Variants in VPS26C observed in about 807,000 individuals in gnomAD.
VPS26C encodes VPS26 endosomal protein sorting factor C, also known as vacuolar protein sorting-associated protein 26C.
VPS26C carries 19 observed loss-of-function variants against 30.6 expected under a neutral mutation model. The observed-to-expected ratio is 0.62, with a 90% CI of 0.43 to 0.91. VPS26C has a LOEUF of 0.91. Among genes scored for constraint, VPS26C ranks in the 40% least tolerant of loss-of-function variants. VPS26C has a pLI of 0.00. For synonymous variants in VPS26C, 132 were observed against 151.5 expected, an observed-to-expected ratio of 0.87 and a Z score of 0.95; for missense variants, 318 against 385.1, an observed-to-expected ratio of 0.83 and a Z score of 1.46.
intron 1 of VPS26C, among the ~76,000 whole-genome samples, chr21:37,241,398 T>C (rs1211381703): frequency 6.6e-6 from 1 of 152,210 alleles, no homozygotes; most frequent in African/African-American, 2.4e-5. Flanking sequence ...TGGAGAGCAG[T>C]TTCTTCCTGT....
Position 37,240,484 on chromosome 21 carries a change from A to G in VPS26C, c.201+12T>C. 1 of 1,613,430 alleles carries G rather than the reference A, an allele frequency of 6.2e-7. No homozygotes were observed. Among genetic ancestry groups the G allele is most frequent in the African/African-American group, 1.3e-5 (1 of 74,958 alleles). On this transcript the variant is annotated intron_variant, in intron 2 of 7. Transcript: ENST00000309117. ...TGAACTAAAAACTTGCAATCTAAGC[A>G]TTCTTTCTTACCTTAACAGAATTAT...
chr21:37,233,455 G>A lies in VPS26C; in HGVS notation c.352-13C>T. 6.2e-7 allele frequency: 1 copy of A among 1,607,910 alleles called. No individual in the cohort carries two copies. The highest frequency in any genetic ancestry group is 8.5e-7 in the Non-Finnish European group (1 of 1,174,980). On this transcript the variant is annotated splice_polypyrimidine_tract_variant and intron_variant, in intron 3 of 7. Transcript: ENST00000309117. This position sits in a 1 kb window ranked among gnomAD's most constrained non-coding sequence, Gnocchi z 5.2. ...AGCGCAGTGTATACTAAAGGGGAGA[G>A]TTGGAGGAAAAAAGTTCATTTTAGT...
At position 37,267,149 on chromosome 21, in the gene VPS26C, G is replaced by A. The variant is rs2086373955; in HGVS notation, c.57+89C>T. 4 of 1,202,524 alleles carry A rather than the reference G, an allele frequency of 3.3e-6. No homozygotes were observed. In the Admixed American group the frequency reaches 5.9e-5, roughly 18 times the overall value. 74.5% of individuals were successfully genotyped at this position (1,202,524 alleles called of 1,614,324 possible). A position where few individuals can be genotyped will look rare whatever the true frequency, so the allele number is the denominator to read the frequency against. On this transcript the variant is annotated intron_variant, in intron 1 of 7. Coordinates refer to ENST00000309117, the MANE Select transcript of VPS26C (RefSeq NM_006052.2). ...GCGGGACAGCCCTGCCCCGCCTAGG[G>A]ACGCGGGACGTGCGCAGAGCGATGG...
In VPS26C at chr21:37,233,956, C is replaced by A. The variant is rs2085993650; in HGVS notation, c.352-514G>T. Reference sequence around the variant, plus strand: ...AGCACAGGGCTGGCACAAAGCAATGCTGGAAAACAGCAGCTACTTTGTAAG... The same window carrying A: ...AGCACAGGGCTGGCACAAAGCAATGATGGAAAACAGCAGCTACTTTGTAAG... On this transcript the variant is annotated intron_variant, in intron 3 of 7. Transcript: ENST00000309117. This position sits in a 1 kb window ranked among gnomAD's most constrained non-coding sequence, Gnocchi z 5.2. Among the ~76,000 whole-genome samples, 1 of 152,246 alleles carries A rather than the reference C, an allele frequency of 6.6e-6. No individual in the cohort carries two copies. The highest frequency in any genetic ancestry group is 1.5e-5 in the Non-Finnish European group (1 of 68,042).
chr21:37,238,746 G>T, intron 2 of VPS26C, 137 bp from the exon 3 acceptor site: 1 of 942,094 alleles, frequency 1.1e-6, no homozygotes, highest in East Asian at 2.5e-5. Context: ...CTCTGCGCTG[G>T]GTCTGGAGAT....
intron 5 of VPS26C, chr21:37,228,625 C>T: frequency 2.5e-6 from 1 of 396,280 alleles, no homozygotes. Context: ...GAGAACCATC[C>T]TAATTGCCTA....
At chr21:37,242,122 T>C (rs1179485703) in intron 1 of VPS26C, among the ~76,000 whole-genome samples, 2 of 152,256 alleles carry the variant, frequency 1.3e-5, no homozygotes, top group African/African-American at 4.8e-5. Context: ...CCTTGAATTC[T>C]GCTTAAAATG....
At chr21:37,258,659 G>A (rs2148308078) in intron 1 of VPS26C, among the ~76,000 whole-genome samples, 1 of 152,348 alleles carries the variant, frequency 6.6e-6, no homozygotes, top group East Asian at 1.9e-4. Flanking sequence ...ACATAACGGA[G>A]GCGAGTCTGC....
Position 37,240,621 on chromosome 21 carries a change from C to A in VPS26C, c.76G>T (p.Val26Leu). Residue 26 changes from valine to leucine, a missense_variant, in exon 2 of 8, where the codon GTG becomes TTG. Physicochemically the swap from Val to Leu is conservative, Grantham distance 32 (BLOSUM62 1). Transcript: ENST00000309117. ...YHAGEVLSGV[V>L]VISSKDSVQH... ...ACTGAATCCTTACTCGATATGACCA[C>A]CACGCCAGAGAGCACTTCCTGGGAG... The A allele has an allele frequency of 2.5e-6, 4 of 1,614,024 alleles. No homozygotes were observed. Among genetic ancestry groups the A allele is most frequent in the Non-Finnish European group, 3.4e-6 (4 of 1,179,950 alleles).
intron 5 of VPS26C, chr21:37,231,453 A>G (rs1284393448): frequency 2.5e-4 from 38 of 152,158 alleles, no homozygotes; most frequent in Admixed American, 2.5e-3. Context: ...GAGAAGGGAG[A>G]CGTGCAGAAC....
intron 1 of VPS26C, chr21:37,266,932 C>T (rs962915365): frequency 4.8e-5 from 22 of 460,886 alleles, no homozygotes; most frequent in Non-Finnish European, 5.8e-5. Flanking sequence ...GAGAACCCAA[C>T]ACCGCCGGGT....
chr21:37,260,121 C>T (rs2086289225), intron 1 of VPS26C, among the ~76,000 whole-genome samples: 1 of 152,196 alleles, frequency 6.6e-6, no homozygotes, highest in Admixed American at 6.5e-5. Flanking sequence ...TATTTGCTAT[C>T]ATCAGTCCCC....
rs570637040 is a variant in VPS26C, at chr21:37,253,148, C to G, written c.58-12509G>C. Among the ~76,000 whole-genome samples the G allele has an allele frequency of 6.6e-5, 10 of 152,324 alleles. No individual in the cohort carries two copies. The South Asian group carries it at 2.1e-3, about 32-fold the overall frequency. The stretch of plus-strand genomic sequence containing the variant: ...AGTAAAATCTACAAAAGTTAGTTCA[C>G]TAGCAATGAAACTGTAACAAAATAA... On this transcript the variant is annotated intron_variant, in intron 1 of 7. Coordinates refer to ENST00000309117, the MANE Select transcript of VPS26C (RefSeq NM_006052.2).
In VPS26C at chr21:37,255,851, A is replaced by ATTTTTTTTTTTTTTTTTTTT. The variant is rs375877407; in HGVS notation, c.57+11367_57+11386dup. Among the ~76,000 whole-genome samples, 117 of 108,452 alleles carry ATTTTTTTTTTTTTTTTTTTT rather than the reference A, an allele frequency of 1.1e-3. 21 individuals are homozygous for ATTTTTTTTTTTTTTTTTTTT. The highest frequency in any genetic ancestry group is 5.0e-3 in the African/African-American group (110 of 21,880). 71.1% of individuals were successfully genotyped at this position (108,452 alleles called of 152,430 possible). A position where few individuals can be genotyped will look rare whatever the true frequency, so the allele number is the denominator to read the frequency against. ...TTTAAAGCCTCATTCTATGCACTGC[A>ATTTTTTTTTTTTTTTTTTTT]TTTTTTTTTTTTTTTTTTTTTAGAT... On this transcript the variant is annotated intron_variant, in intron 1 of 7. Transcript: ENST00000309117.
At chr21:37,243,779 A>G (rs927410613) in intron 1 of VPS26C, among the ~76,000 whole-genome samples, 1 of 152,114 alleles carries the variant, frequency 6.6e-6, no homozygotes, top group African/African-American at 2.4e-5. Context: ...TCGCCCATCA[A>G]TGCCATTTCT....
intron 1 of VPS26C, chr21:37,266,721 G>GT (rs2086366204): frequency 6.5e-6 from 1 of 154,516 alleles, no homozygotes; most frequent in African/African-American, 2.4e-5. Flanking sequence ...AGAAAAAGCA[G>GT]TAACTTTCGT....
chr21:37,229,272 T>C (rs529942936), intron 5 of VPS26C: 1 of 152,682 alleles, frequency 6.5e-6, no homozygotes, highest in Non-Finnish European at 1.5e-5. Context: ...ACATAAAATA[T>C]ATTAACACTA....
At chr21:37,251,919 C>T (rs2086197616) in intron 1 of VPS26C, among the ~76,000 whole-genome samples, 1 of 152,228 alleles carries the variant, frequency 6.6e-6, no homozygotes, top group Non-Finnish European at 1.5e-5. Context: ...GTAAAAGCCT[C>T]TCAACGCCTC....
In VPS26C at chr21:37,226,914, G is replaced by T. The variant is rs2085905681; in HGVS notation, c.811+740C>A. On this transcript the variant is annotated intron_variant, in intron 7 of 7. Transcript: ENST00000309117. The surrounding 1 kb of genome is among the most constrained non-coding windows in gnomAD (Gnocchi z 4.1). ...GTTCTACTTCTTCGTAGTGTGGAGT[G>T]ATCTCCCAATTAACATGATTCTTAT... 6.6e-6 allele frequency: 1 copy of T among 152,190 alleles called. No homozygotes were observed. The highest frequency in any genetic ancestry group is 2.4e-5 in the African/African-American group (1 of 41,428). 9.4% of individuals were successfully genotyped at this position (152,190 alleles called of 1,614,324 possible).
Sources: gnomAD v4.1 joint callset for allele counts (sites outside exome capture counted in the v4.1 genomes callset) on GRCh38, gnomAD v4.1.1 for gene constraint, Gnocchi (gnomAD v3.1) non-coding constraint, MANE v1.5 for transcripts, NCBI Gene and HGNC (gene_info 2026-07-23, HGNC 2026-07-21) for gene names.